The following TMEM232 variants were observed in gnomAD, a reference collection of about 807,000 sequenced individuals.
TMEM232 encodes the protein transmembrane protein 232.
A neutral mutation model predicts 78.8 loss-of-function variants in TMEM232; 80 were observed. The observed-to-expected ratio is 1.01, with a 90% CI of 0.85 to 1.22. The LOEUF (loss-of-function observed/expected upper bound fraction) is 1.22. TMEM232 is among the 50% of genes most tolerant of loss of function. The pLI is 0.00. For missense variants in TMEM232, 881 were observed against 742.2 expected, an observed-to-expected ratio of 1.19 and a Z score of -2.17; for synonymous variants, 297 against 254.3, an observed-to-expected ratio of 1.17 and a Z score of -1.60.
chr5:110,456,389 GA>G (rs1264741694), intron 12 of TMEM232, among the ~76,000 whole-genome samples: 1 of 151,850 alleles, frequency 6.6e-6, no homozygotes, highest in African/African-American at 2.4e-5. Flanking sequence ...ATTGATAAAA[GA>G]AATCAAAACA....
chr5:110,499,637 A>C (rs2633975), intron 12 of TMEM232, among the ~76,000 whole-genome samples: 13,585 of 128,868 alleles, frequency 0.11, 872 homozygotes, highest in East Asian at 0.31. Context: ...ACCCCCCCCC[A>C]CACACACACA....
At chr5:110,585,318 G>C (rs1195350321) in intron 10 of TMEM232, among the ~76,000 whole-genome samples, 2 of 152,118 alleles carry the variant, frequency 1.3e-5, no homozygotes, top group African/African-American at 4.8e-5. Context: ...AAATCTTCTA[G>C]AGAAGAGTAG....
intron 2 of TMEM232, among the ~76,000 whole-genome samples, chr5:110,413,897 C>T (rs1408771964): frequency 6.6e-6 from 1 of 152,178 alleles, no homozygotes; most frequent in Non-Finnish European, 1.5e-5. Context: ...CAAGTAAATA[C>T]TTCAGCCCAG....
chr5:110,575,132 G>T (rs1581263844), intron 10 of TMEM232, among the ~76,000 whole-genome samples: 1 of 151,890 alleles, frequency 6.6e-6, no homozygotes, highest in East Asian at 1.9e-4. Flanking sequence ...TCAGAATATT[G>T]TTATACTATA....
chr5:110,659,965 G>A (rs1468274792), intron 2 of TMEM232, among the ~76,000 whole-genome samples: 1 of 151,902 alleles, frequency 6.6e-6, no homozygotes, highest in Non-Finnish European at 1.5e-5. Flanking sequence ...AATAGTCTCA[G>A]AAGGAGAGAA....
chr5:110,510,347 A>G (rs1008403709), intron 12 of TMEM232, among the ~76,000 whole-genome samples: 2 of 152,190 alleles, frequency 1.3e-5, no homozygotes, highest in African/African-American at 4.8e-5. Flanking sequence ...AGTGAATGAC[A>G]CAACTATTCA....
chr5:110,469,397 G>T (rs1237844653), intron 12 of TMEM232, among the ~76,000 whole-genome samples: 2 of 152,154 alleles, frequency 1.3e-5, no homozygotes, highest in African/African-American at 4.8e-5. Context: ...AAGCACCCCT[G>T]AAGCCATGCC....
chr5:110,547,977 G>A (rs1773985203), intron 11 of TMEM232, among the ~76,000 whole-genome samples: 1 of 125,730 alleles, frequency 8.0e-6, no homozygotes, highest in Admixed American at 1.0e-4. Flanking sequence ...CAGCCTGGGT[G>A]ACACAGCTAG....
intron 1 of TMEM232, among the ~76,000 whole-genome samples, chr5:110,721,866 C>T (rs1414749239): frequency 1.3e-5 from 2 of 151,232 alleles, no homozygotes; most frequent in African/African-American, 2.4e-5. Flanking sequence ...AAAAAGGAAT[C>T]TTAGAAGAAG....
At chr5:110,668,632 T>C (rs913550899) in intron 1 of TMEM232, among the ~76,000 whole-genome samples, 7 of 152,174 alleles carry the variant, frequency 4.6e-5, no homozygotes, top group African/African-American at 1.4e-4. Flanking sequence ...GCAGACCTAA[T>C]AGACATCTAC....
intron 11 of TMEM232, among the ~76,000 whole-genome samples, chr5:110,554,832 C>T (rs6883788): frequency 0.15 from 22,464 of 152,098 alleles, 4,272 homozygotes; most frequent in African/African-American, 0.45. Context: ...GATTCAATTT[C>T]ATAACTTATT....
chr5:110,553,582 G>C (rs1355602588), intron 11 of TMEM232, among the ~76,000 whole-genome samples: 1 of 152,106 alleles, frequency 6.6e-6, no homozygotes, highest in African/African-American at 2.4e-5. Context: ...TTTGTATCCT[G>C]AAACTTTGCT....
downstream of TMEM232, among the ~76,000 whole-genome samples, chr5:110,415,910 T>C (rs773699945): frequency 2.6e-5 from 4 of 152,146 alleles, no homozygotes; most frequent in Non-Finnish European, 5.9e-5. Flanking sequence ...GAAATGTTAC[T>C]GGAAGGTTGG....
At chr5:110,612,264 C>T (rs1782398578) in intron 8 of TMEM232, among the ~76,000 whole-genome samples, 1 of 152,108 alleles carries the variant, frequency 6.6e-6, no homozygotes. Context: ...CTTCTGGTTT[C>T]AGGTTGCATT....
At chr5:110,592,356 C>A (rs1779633053) in intron 10 of TMEM232, among the ~76,000 whole-genome samples, 1 of 152,112 alleles carries the variant, frequency 6.6e-6, no homozygotes, top group Admixed American at 6.6e-5. Context: ...CGAGAAACCA[C>A]AAAGCTTTGG....
chr5:110,729,514 G>C (rs979476120), upstream of TMEM232, among the ~76,000 whole-genome samples: 4 of 152,214 alleles, frequency 2.6e-5, no homozygotes, highest in African/African-American at 4.8e-5. Context: ...AATATGAATG[G>C]GAAGTGGTGT....
At chr5:110,678,999 T>C (rs1473736793) in intron 1 of TMEM232, among the ~76,000 whole-genome samples, 6 of 152,334 alleles carry the variant, frequency 3.9e-5, no homozygotes, top group East Asian at 1.9e-4. Context: ...GGTTTTTCTA[T>C]GGACTTAAGT....
chr5:110,665,641 C>T (rs1790464166), intron 2 of TMEM232, among the ~76,000 whole-genome samples: 2 of 151,968 alleles, frequency 1.3e-5, no homozygotes, highest in Admixed American at 1.3e-4. Context: ...ATCCAATCAC[C>T]TCCCACCAGG....
At chr5:110,428,152 C>T (rs369104494) in intron 12 of TMEM232, among the ~76,000 whole-genome samples, 1 of 151,726 alleles carries the variant, frequency 6.6e-6, no homozygotes, top group Non-Finnish European at 1.5e-5. Flanking sequence ...CTTTCCTTCC[C>T]AGCCCTGGTA....
Sources: gnomAD v4.1 joint callset for allele counts (sites outside exome capture counted in the v4.1 genomes callset) on GRCh38, gnomAD v4.1.1 for gene constraint, MANE v1.5 for transcripts, NCBI Gene and HGNC (gene_info 2026-07-23, HGNC 2026-07-21) for gene names.